Variants in KLHL2 observed in about 807,000 individuals in gnomAD.
KLHL2 encodes kelch-like protein 2.
Under a neutral mutation model 75.8 loss-of-function variants are expected in KLHL2, and 15 were observed. The observed-to-expected ratio is 0.20, with a 90% confidence interval of 0.13 to 0.30. The LOEUF is 0.30. KLHL2 is among the 10% of genes least tolerant of loss of function. The probability of loss-of-function intolerance (pLI) is 1.00; values close to 1 mark genes in which losing one functional copy is unlikely to be tolerated. For synonymous variants in KLHL2, 214 were observed against 251.9 expected (o/e 0.85, Z 1.42); for missense variants, 381 against 741.0 (o/e 0.51, Z 5.64).
chr4:165,311,612 G>A (rs748637439), intron 11 of KLHL2, 47 bp downstream of exon 11: 2 of 1,347,110 alleles, frequency 1.5e-6, no homozygotes, highest in Non-Finnish European at 2.1e-6. Flanking sequence ...TTTGATCCTT[G>A]AGAGTGGTTC....
At chr4:165,213,908 T>G (rs1358359845) in intron 1 of KLHL2, among the ~76,000 whole-genome samples, 1 of 152,232 alleles carries the variant, frequency 6.6e-6, no homozygotes, top group Non-Finnish European at 1.5e-5. Flanking sequence ...TTTACATTCA[T>G]ATAGTGCCTA....
At chr4:165,248,544 A>G (rs1740442019) in intron 4 of KLHL2, among the ~76,000 whole-genome samples, 1 of 152,228 alleles carries the variant, frequency 6.6e-6, no homozygotes, top group Admixed American at 6.5e-5. Flanking sequence ...GAGAAAGGAA[A>G]TAGCAATGGG....
rs184633431 is a variant in KLHL2 at position 165,257,349 on chromosome 4, A to T, written c.382-5848A>T. Among the ~76,000 whole-genome samples, 302 of 152,330 alleles carry T rather than the reference A, an allele frequency of 2.0e-3. 4 individuals carry two copies. The highest frequency in any genetic ancestry group is 0.016 in the Admixed American group (244 of 15,304). On this transcript the variant is annotated intron_variant, in intron 4 of 14. Transcript: ENST00000226725. ...ATGTCTCAGAACTGTCTTCTAGGAG[A>T]ATACCAGGGGGAAGTATTTCTCTTC...
intron 5 of KLHL2, among the ~76,000 whole-genome samples, chr4:165,285,718 T>G (rs977695523): frequency 6.6e-6 from 1 of 152,052 alleles, no homozygotes. Context: ...AGTGTGGATA[T>G]ACTTAACACT....
chr4:165,216,599 A>T (rs72993964), intron 1 of KLHL2, among the ~76,000 whole-genome samples: 11,478 of 152,198 alleles, frequency 0.075, 923 homozygotes, highest in African/African-American at 0.2. Context: ...CTAAAGGGTA[A>T]ACCTTTACCT....
intron 1 of KLHL2, among the ~76,000 whole-genome samples, chr4:165,214,217 C>G (rs1053845684): frequency 1.3e-5 from 2 of 151,852 alleles, no homozygotes; most frequent in African/African-American, 2.4e-5. Context: ...GAAGTGATGG[C>G]AATAGTAGGA....
chr4:165,207,767 C>A lies in KLHL2; in HGVS notation c.-110C>A. ...GGTGAGGAGAGCGCGGCGCCCCCTC[C>A]GGGGCGGATGGAACGCGGCTCGGCG... On this transcript the variant is annotated 5_prime_UTR_variant, in exon 1 of 15. Coordinates refer to ENST00000226725, the MANE Select transcript of KLHL2 (RefSeq NM_007246.4). This position sits in a 1 kb window ranked among gnomAD's most constrained non-coding sequence, Gnocchi z 4.2. 1 of 979,536 alleles carries A rather than the reference C, an allele frequency of 1.0e-6. No homozygotes were observed. Among genetic ancestry groups the A allele is most frequent in the Non-Finnish European group, 1.4e-6 (1 of 709,862 alleles). The allele number at this position is 979,536 out of a possible 1,614,324, so 60.7% of individuals were successfully genotyped here. A position where few individuals can be genotyped will look rare whatever the true frequency, so the allele number is the denominator to read the frequency against.
chr4:165,264,742 A>ATATATG (rs1742081343), intron 5 of KLHL2, among the ~76,000 whole-genome samples: 1 of 66,704 alleles, frequency 1.5e-5, no homozygotes, highest in Non-Finnish European at 3.1e-5. Flanking sequence ...ATATATATGT[A>ATATATG]TATATATATA....
At chr4:165,310,249 C>T (rs1444141322) in intron 9 of KLHL2, among the ~76,000 whole-genome samples, 2 of 152,124 alleles carry the variant, frequency 1.3e-5, no homozygotes, top group Non-Finnish European at 1.5e-5. Context: ...GGTGTGAACA[C>T]GGGAGGCTGA....
chr4:165,309,554 C>T (rs1468109696), intron 9 of KLHL2, among the ~76,000 whole-genome samples: 2 of 152,206 alleles, frequency 1.3e-5, no homozygotes, highest in Non-Finnish European at 1.5e-5. Context: ...GTCTCTGTCA[C>T]AGCTTCTTAT....
chr4:165,294,473 G>A lies in KLHL2; in HGVS notation c.654+5G>A, dbSNP rs1488257590. 2 of 1,510,636 alleles carry A rather than the reference G, an allele frequency of 1.3e-6. No individual in the cohort carries two copies. The highest frequency in any genetic ancestry group is 1.8e-6 in the Non-Finnish European group (2 of 1,092,084). 93.6% of individuals were successfully genotyped at this position (1,510,636 alleles called of 1,614,324 possible). Reference sequence around the variant, plus strand: ...ACCATTTCTTCAGAAGAGAAGGTAAGGATATTTTTCTTTTCCCAGTGTGCA... The same window carrying A: ...ACCATTTCTTCAGAAGAGAAGGTAAAGATATTTTTCTTTTCCCAGTGTGCA... On this transcript the variant is annotated splice_donor_5th_base_variant and intron_variant, in intron 6 of 14. Transcript: ENST00000226725.
intron 5 of KLHL2, among the ~76,000 whole-genome samples, chr4:165,267,554 C>A (rs1015214494): frequency 6.6e-6 from 1 of 152,144 alleles, no homozygotes; most frequent in Non-Finnish European, 1.5e-5. Flanking sequence ...GCCTTTTCTG[C>A]ATCTATTGGG....
intron 1 of KLHL2, among the ~76,000 whole-genome samples, chr4:165,213,079 A>C (rs1737307337): frequency 1.3e-5 from 2 of 152,224 alleles, no homozygotes; most frequent in Admixed American, 1.3e-4. Flanking sequence ...GTCCCTGATA[A>C]CCAAAGCATT....
At chr4:165,238,190 T>C (rs774882914) in intron 3 of KLHL2, among the ~76,000 whole-genome samples, 1 of 152,240 alleles carries the variant, frequency 6.6e-6, no homozygotes, top group South Asian at 2.1e-4. Context: ...TAACTCTTTG[T>C]TATTATTGTG....
At chr4:165,284,054 C>T (rs1372111191) in intron 5 of KLHL2, among the ~76,000 whole-genome samples, 1 of 152,156 alleles carries the variant, frequency 6.6e-6, no homozygotes, top group East Asian at 1.9e-4. Context: ...AGCACAGGGA[C>T]CCTGGGCTCA....
chr4:165,271,003 A>G (rs1166769599), intron 5 of KLHL2, among the ~76,000 whole-genome samples: 1 of 152,188 alleles, frequency 6.6e-6, no homozygotes, highest in Non-Finnish European at 1.5e-5. Flanking sequence ...CCATTGGTCT[A>G]CATATCTACT....
intron 5 of KLHL2, among the ~76,000 whole-genome samples, chr4:165,273,626 C>G (rs1448773033): frequency 6.6e-6 from 1 of 152,202 alleles, no homozygotes; most frequent in African/African-American, 2.4e-5. Flanking sequence ...AGCTCTCTCT[C>G]TTTGCCTGCT....
chr4:165,304,611 A>G (rs1745588704), intron 8 of KLHL2, among the ~76,000 whole-genome samples: 1 of 152,180 alleles, frequency 6.6e-6, no homozygotes, highest in Non-Finnish European at 1.5e-5. Context: ...GTGTCTGTGC[A>G]TACTCAGTAA....
intron 5 of KLHL2, among the ~76,000 whole-genome samples, chr4:165,293,314 T>C (rs370695444): frequency 2.6e-5 from 4 of 152,224 alleles, no homozygotes; most frequent in Admixed American, 6.5e-5. Context: ...AGCGATCTTT[T>C]TTCCCCTTGG....
Sources: gnomAD v4.1 joint callset for allele counts (sites outside exome capture counted in the v4.1 genomes callset) on GRCh38, gnomAD v4.1.1 for gene constraint, Gnocchi (gnomAD v3.1) non-coding constraint, MANE v1.5 for transcripts, NCBI Gene and HGNC (gene_info 2026-07-23, HGNC 2026-07-21) for gene names.